ZNF236: variants seen among roughly 807,000 people sequenced by gnomAD.
The protein encoded by ZNF236 is regulated by glucose.
Under a neutral mutation model 191.2 loss-of-function variants are expected in ZNF236, and 50 were observed. The observed-to-expected ratio is 0.26, with a 90% confidence interval of 0.21 to 0.33. The LOEUF (loss-of-function observed/expected upper bound fraction) is 0.33, where lower values mean the gene tolerates loss of function less well. Ranked by LOEUF, ZNF236 falls within the 10% of genes least tolerant of loss-of-function variation. The pLI is 1.00. For synonymous variants in ZNF236, 907 were observed against 928.8 expected, an observed-to-expected ratio of 0.98 and a Z score of 0.43; for missense variants, 1,754 against 2,374.5, an observed-to-expected ratio of 0.74 and a Z score of 5.43.
intron 2 of ZNF236, 60 bp from the exon 3 acceptor site, chr18:76,851,715 G>A (rs1975877466): frequency 1.3e-6 from 2 of 1,526,040 alleles, no homozygotes; most frequent in African/African-American, 1.4e-5. Flanking sequence ...TTCATTTATT[G>A]AACAAGCATC....
chr18:76,893,461 CTG>C (rs1977307316), intron 9 of ZNF236, among the ~76,000 whole-genome samples: 1 of 152,116 alleles, frequency 6.6e-6, no homozygotes, highest in African/African-American at 2.4e-5. Context: ...CATTCTGTCA[CTG>C]TGTTTAAAAA....
chr18:76,829,588 A>C (rs1975110869), intron 1 of ZNF236, among the ~76,000 whole-genome samples: 1 of 152,134 alleles, frequency 6.6e-6, no homozygotes. Flanking sequence ...TAGCCTCCCA[A>C]AGTGTTGGGA....
chr18:76,830,019 C>T (rs1417786836), intron 1 of ZNF236, among the ~76,000 whole-genome samples: 4 of 152,128 alleles, frequency 2.6e-5, no homozygotes, highest in South Asian at 2.1e-4. Flanking sequence ...TACAGGCACG[C>T]GCCACCACGC....
At chr18:76,920,747 G>A (rs538474836) in intron 20 of ZNF236, among the ~76,000 whole-genome samples, 98 of 152,254 alleles carry the variant, frequency 6.4e-4, no homozygotes, top group African/African-American at 2.2e-3. Context: ...GGACACAAGC[G>A]TGTGACAGGA....
chr18:76,932,985 C>CA (rs1568236860), intron 25 of ZNF236, among the ~76,000 whole-genome samples: 3 of 152,164 alleles, frequency 2.0e-5, no homozygotes, highest in Admixed American at 1.3e-4. Context: ...CCTCCACAGA[C>CA]GCATGTTGGA....
intron 1 of ZNF236, among the ~76,000 whole-genome samples, chr18:76,848,430 A>T (rs961050308): frequency 6.6e-6 from 1 of 152,190 alleles, no homozygotes; most frequent in Non-Finnish European, 1.5e-5. Context: ...AAGTATATTT[A>T]TTTTTAAAAA....
intron 30 of ZNF236, among the ~76,000 whole-genome samples, chr18:76,961,448 G>A (rs1033864915): frequency 4.7e-5 from 7 of 149,804 alleles, no homozygotes; most frequent in African/African-American, 1.5e-4. Context: ...TCCACTCGTC[G>A]ATTTATGGAC....
chr18:76,929,020 G>C (rs1967782655), intron 25 of ZNF236, among the ~76,000 whole-genome samples: 1 of 148,012 alleles, frequency 6.8e-6, no homozygotes, highest in South Asian at 2.2e-4. Context: ...GAGGGAAGCA[G>C]CCCCACTTCC....
intron 26 of ZNF236, among the ~76,000 whole-genome samples, chr18:76,940,739 G>A (rs1222605153): frequency 6.6e-6 from 1 of 152,188 alleles, no homozygotes; most frequent in Non-Finnish European, 1.5e-5. Context: ...TATTTTTAAA[G>A]TCTGCAAATA....
intron 26 of ZNF236, among the ~76,000 whole-genome samples, chr18:76,946,705 C>A (rs965128255): frequency 6.6e-5 from 10 of 152,210 alleles, no homozygotes; most frequent in African/African-American, 2.2e-4. Context: ...GTGCCCCATA[C>A]CACCCTACCT....
chr18:76,849,804 T>C, intron 2 of ZNF236, 136 bp downstream of exon 2: 1 of 886,350 alleles, frequency 1.1e-6, no homozygotes, highest in Non-Finnish European at 1.5e-6. Flanking sequence ...AATAAATATT[T>C]TGGCCTTTTT....
In ZNF236 at chr18:76,968,266, G is replaced by A. The variant is rs1320680422; in HGVS notation, c.5471G>A (p.Ser1824Asn). Reference sequence around the variant, plus strand: ...CCGGAGCAGGACGGGGAGGAGCTGAGCCGGACCCTCCACCTGGAGGAGGTG... The same window carrying A: ...CCGGAGCAGGACGGGGAGGAGCTGAACCGGACCCTCCACCTGGAGGAGGTG... ...GHPEQDGEEL[S>N]RTLHLEEVVQ... Residue 1824 changes from serine to asparagine, a missense_variant, in exon 31 of 31, where the codon AGC (serine) becomes AAC (asparagine). Ser to Asn is a conservative substitution (Grantham distance 46). Around this residue, in one of 5 missense-constraint regions of ZNF236, gnomAD observed 606 missense variants for 761.5 expected, o/e 0.80. Transcript: ENST00000320610. 7.4e-6 allele frequency: 12 copies of A among 1,612,090 alleles called. No individual in the cohort carries two copies. Among genetic ancestry groups the A allele is most frequent in the East Asian group, 2.2e-5 (1 of 44,850 alleles).
At position 76,905,136 on chromosome 18, in the gene ZNF236, A is replaced by G. The variant is rs188470275; in HGVS notation, c.2037-19A>G. ...AAGTATAAGAAACATATTCATTAAA[A>G]TGTGTATTTTTTTTTAAGATCCCAT... On this transcript the variant is annotated intron_variant, in intron 12 of 30. Coordinates refer to ENST00000320610, the MANE Select transcript of ZNF236 (RefSeq NM_001306089.2). The G allele has an allele frequency of 3.2e-4, 515 of 1,593,594 alleles. No homozygotes were observed. The highest frequency in any genetic ancestry group is 1.7e-3 in the Admixed American group (95 of 57,194).
intron 1 of ZNF236, among the ~76,000 whole-genome samples, chr18:76,846,166 G>C (rs540518620): frequency 6.6e-6 from 1 of 152,154 alleles, no homozygotes; most frequent in Admixed American, 6.5e-5. Context: ...TGCCCAGACT[G>C]GTCTCAAACT....
chr18:76,856,144 T>C (rs1457047072), intron 3 of ZNF236, among the ~76,000 whole-genome samples: 3 of 151,560 alleles, frequency 2.0e-5, no homozygotes, highest in Non-Finnish European at 4.4e-5. Context: ...TGGTCTCAAG[T>C]AGTGGTTGGA....
intron 1 of ZNF236, among the ~76,000 whole-genome samples, chr18:76,847,910 T>A (rs553560303): frequency 5.6e-4 from 86 of 152,364 alleles, no homozygotes; most frequent in Admixed American, 9.8e-4. Context: ...ATTATGCATA[T>A]CTTTTTCTTA....
intron 10 of ZNF236, among the ~76,000 whole-genome samples, chr18:76,896,584 AAGTACTGCACACAGTACGAAAC>A (rs1446805835): frequency 6.6e-6 from 1 of 151,662 alleles, no homozygotes; most frequent in Non-Finnish European, 1.5e-5. Flanking sequence ...TACTGCACAC[AAGTACTGCACACAGTACGAAAC>A]AGTACTGCAC....
intron 26 of ZNF236, among the ~76,000 whole-genome samples, chr18:76,945,369 G>T (rs1029449182): frequency 1.3e-5 from 2 of 152,184 alleles, no homozygotes; most frequent in African/African-American, 2.4e-5. Context: ...GTCTGATAAG[G>T]GTGGTGGCAG....
intron 7 of ZNF236, among the ~76,000 whole-genome samples, chr18:76,879,170 G>A (rs557107629): frequency 2.6e-5 from 4 of 152,058 alleles, no homozygotes; most frequent in Admixed American, 6.5e-5. Flanking sequence ...TAGATGTAGT[G>A]AATAATCTAG....
Sources: gnomAD v4.1 joint callset for allele counts (sites outside exome capture counted in the v4.1 genomes callset) on GRCh38, gnomAD v4.1.1 for gene constraint, gnomAD v4.1.1 regional missense constraint, MANE v1.5 for transcripts, NCBI Gene and HGNC (gene_info 2026-07-23, HGNC 2026-07-21) for gene names.